The following STX3 variants were observed in gnomAD, a reference collection of about 807,000 sequenced individuals.
STX3 encodes the protein syntaxin-3.
STX3 carries 19 observed loss-of-function variants against 40.2 expected under a neutral mutation model. The ratio of observed to expected loss-of-function variants is 0.47; its 90% confidence interval spans 0.33 to 0.69. The LOEUF (loss-of-function observed/expected upper bound fraction) is 0.69. Ranked by LOEUF, STX3 falls within the 30% of genes least tolerant of loss-of-function variation. STX3 has a pLI of 0.02. For missense variants in STX3, 364 were observed against 366.7 expected (o/e 0.99, Z 0.06); for synonymous variants, 122 against 132.2 (o/e 0.92, Z 0.53).
chr11:59,778,831 CTTTTTTTT>C (rs112512362), intron 2 of STX3, among the ~76,000 whole-genome samples: 2 of 125,808 alleles, frequency 1.6e-5, no homozygotes, highest in Non-Finnish European at 3.3e-5. Flanking sequence ...TTTTCTTTTC[CTTTTTTTT>C]TTTTTTTTTT....
At chr11:59,785,330 T>G (rs781535014) in intron 2 of STX3, among the ~76,000 whole-genome samples, 14 of 151,078 alleles carry the variant, frequency 9.3e-5, no homozygotes, top group Non-Finnish European at 1.8e-4. Context: ...TTCTTTTCCC[T>G]TTTTTTTTGT....
At chr11:59,771,247 G>A (rs1863609281) in intron 1 of STX3, among the ~76,000 whole-genome samples, 1 of 123,070 alleles carries the variant, frequency 8.1e-6, no homozygotes, top group Non-Finnish European at 1.7e-5. Context: ...GCCTGGTGGT[G>A]CATGCCTGCA....
chr11:59,802,910 C>G lies in STX3; in HGVS notation c.*2086C>G. ...GTGTTTCAGATTTGAGGTGTTCCCC[C>G]CAAAAGAATTTGGTTCAGTCCTTGG... On this transcript the variant is annotated 3_prime_UTR_variant, in exon 11 of 11. Coordinates refer to ENST00000337979, the MANE Select transcript of STX3 (RefSeq NM_004177.5). 2 of 985,372 alleles carry G rather than the reference C, an allele frequency of 2.0e-6. No homozygotes were observed. Among genetic ancestry groups the G allele is most frequent in the African/African-American group, 1.7e-5 (1 of 57,336 alleles). 61.0% of individuals were successfully genotyped at this position (985,372 alleles called of 1,614,324 possible).
intron 1 of STX3, 30 bp from the exon 2 acceptor site, chr11:59,773,181 C>T (rs767389830): frequency 8.1e-6 from 13 of 1,608,440 alleles, no homozygotes; most frequent in African/African-American, 2.7e-5. Context: ...GTGTTTTTAG[C>T]CTCACTCTGC....
Position 59,801,992 on chromosome 11 carries a change from C to A in STX3, c.*1168C>A. On this transcript the variant is annotated 3_prime_UTR_variant, in exon 11 of 11. Coordinates refer to ENST00000337979, the MANE Select transcript of STX3 (RefSeq NM_004177.5). ...AACTCTGGAGTGAGCTAAATTGATC[C>A]CAATTAAGTTTTTCTGCTTAGCAGA... 1.0e-6 allele frequency: 1 copy of A among 985,382 alleles called. No homozygotes were observed. Among genetic ancestry groups the A allele is most frequent in the Non-Finnish European group, 1.2e-6 (1 of 829,926 alleles). The allele number at this position is 985,382 out of a possible 1,614,324, so 61.0% of individuals were successfully genotyped here.
At chr11:59,778,782 TCTAACATGGAACTTCTA>T (rs1291136490) in intron 2 of STX3, among the ~76,000 whole-genome samples, 2 of 152,132 alleles carry the variant, frequency 1.3e-5, no homozygotes, top group Non-Finnish European at 2.9e-5. Flanking sequence ...AGCAACACTT[TCTAACATGGAACTTCTA>T]TTAATAAGGA....
At chr11:59,773,993 A>C (rs1316874093) in intron 2 of STX3, among the ~76,000 whole-genome samples, 2 of 150,174 alleles carry the variant, frequency 1.3e-5, no homozygotes, top group Admixed American at 6.7e-5. Context: ...AAAAAAAAAA[A>C]AAAAAAATTA....
chr11:59,793,118 TGAG>T lies in STX3; in HGVS notation c.490_492del (p.Glu164del). On this transcript the variant is annotated inframe_deletion, in exon 7 of 11. Transcript: ENST00000337979. The stretch of plus-strand genomic sequence containing the variant: ...ACAAAGCTGGCAAAAAGACAACCGA[TGAG>T]GAGCTGGAGGAGATGTTGGAGAGTG... 1.2e-6 allele frequency: 2 copies of T among 1,613,556 alleles called. No individual in the cohort carries two copies. Among genetic ancestry groups the T allele is most frequent in the Non-Finnish European group, 1.7e-6 (2 of 1,179,948 alleles).
At chr11:59,772,966 CT>C (rs1863737222) in intron 1 of STX3, among the ~76,000 whole-genome samples, 1 of 141,002 alleles carries the variant, frequency 7.1e-6, no homozygotes, top group Non-Finnish European at 1.5e-5. Flanking sequence ...CCCTCACCCC[CT>C]GAAAGAAACA....
chr11:59,781,100 T>TTTTTTTTTTTTTTTTATA (rs963410109), intron 2 of STX3, among the ~76,000 whole-genome samples: 1 of 146,304 alleles, frequency 6.8e-6, no homozygotes, highest in Non-Finnish European at 1.5e-5. Flanking sequence ...TTTTTTTTTT[T>TTTTTTTTTTTTTTTTATA]TATATTAGCA....
In STX3 at chr11:59,805,197, A is replaced by AAAC; in HGVS notation, c.*4375_*4376insCAA. ...CATCTAAAAAAAAAAAAAAAACAAA[A>AAAC]AAAAAAAACTGTTCTTAATACTTAA... On this transcript the variant is annotated 3_prime_UTR_variant, in exon 11 of 11. Coordinates refer to ENST00000337979, the MANE Select transcript of STX3 (RefSeq NM_004177.5). 6.6e-6 allele frequency: 1 copy of AAAC among 150,836 alleles called. No individual in the cohort carries two copies. The highest frequency in any genetic ancestry group is 2.5e-5 in the African/African-American group (1 of 40,626). The allele number at this position is 150,836 out of a possible 1,614,324, so 9.3% of individuals were successfully genotyped here.
At chr11:59,787,291 C>T (rs963443183) in intron 3 of STX3, among the ~76,000 whole-genome samples, 155 bp downstream of exon 3, 6 of 152,150 alleles carry the variant, frequency 3.9e-5, no homozygotes, top group Admixed American at 1.3e-4. Flanking sequence ...TTTACCTTAC[C>T]TGAGCTCCTA....
At chr11:59,792,270 C>A in intron 6 of STX3, 55 bp downstream of exon 6, 1 of 1,519,978 alleles carries the variant, frequency 6.6e-7, no homozygotes, top group Non-Finnish European at 9.1e-7. Flanking sequence ...CCTGGTTGTC[C>A]ATCCCAAGTT....
chr11:59,789,247 G>C (rs897749387), intron 4 of STX3: 1 of 242,910 alleles, frequency 4.1e-6, no homozygotes, highest in Non-Finnish European at 8.1e-6. Context: ...CTTTCAACTT[G>C]TCTCTCTTTT....
intron 1 of STX3, among the ~76,000 whole-genome samples, chr11:59,768,759 T>C (rs1176821755): frequency 2.6e-5 from 4 of 152,154 alleles, no homozygotes; most frequent in Non-Finnish European, 5.9e-5. Context: ...CATAATGGGA[T>C]TGGACCAGAG....
At chr11:59,759,436 CA>C (rs746865340) in intron 1 of STX3, among the ~76,000 whole-genome samples, 13 of 152,086 alleles carry the variant, frequency 8.5e-5, no homozygotes, top group Non-Finnish European at 1.5e-4. Flanking sequence ...CAAGTTTAGG[CA>C]GGATTGACAA....
rs190434715 is a variant in STX3, at chr11:59,802,229, T to C, written c.*1405T>C. 5.7e-5 allele frequency: 56 copies of C among 985,482 alleles called. No individual in the cohort carries two copies. The East Asian group carries it at 4.3e-3, about 76-fold the overall frequency. The allele number at this position is 985,482 out of a possible 1,614,324, so 61.0% of individuals were successfully genotyped here. A position where few individuals can be genotyped will look rare whatever the true frequency, so the allele number is the denominator to read the frequency against. ...GGTTCTTTGTCTCACTGAATTCTTATCATGGAAACAGCAGCAGCAGCCGCT... is the reference window on the plus strand; with the variant it reads ...GGTTCTTTGTCTCACTGAATTCTTACCATGGAAACAGCAGCAGCAGCCGCT... On this transcript the variant is annotated 3_prime_UTR_variant, in exon 11 of 11. Transcript: ENST00000337979.
At position 59,773,242 on chromosome 11, in the gene STX3, C is replaced by T. The variant is rs745945451; in HGVS notation, c.62C>T (p.Ala21Val). Reference sequence around the variant, plus strand: ...CTGACACAGGATGATGATACTGATGCGGTTGAGATTGCTATCGACAACACG... The same window carrying T: ...CTGACACAGGATGATGATACTGATGTGGTTGAGATTGCTATCGACAACACG... ...KQLTQDDDTDAVEIAIDNTAF... is the reference protein window; with the variant it reads ...KQLTQDDDTDVVEIAIDNTAF... Residue 21 changes from alanine (A) to valine (V), a missense_variant, in exon 2 of 11, where the codon GCG (alanine) becomes GTG (valine). Coordinates refer to ENST00000337979, the MANE Select transcript of STX3 (RefSeq NM_004177.5). 9.9e-6 allele frequency: 16 copies of T among 1,613,990 alleles called. No homozygotes were observed. In the East Asian group the frequency reaches 1.3e-4, roughly 13 times the overall value.
intron 2 of STX3, among the ~76,000 whole-genome samples, chr11:59,775,249 G>A (rs374234816): frequency 2.6e-5 from 4 of 152,282 alleles, no homozygotes; most frequent in South Asian, 4.1e-4. Flanking sequence ...CCTCACAGGC[G>A]GGTCCATCAG....
Sources: gnomAD v4.1 joint callset for allele counts (sites outside exome capture counted in the v4.1 genomes callset) on GRCh38, gnomAD v4.1.1 for gene constraint, MANE v1.5 for transcripts, NCBI Gene and HGNC (gene_info 2026-07-23, HGNC 2026-07-21) for gene names.